UNC13C: variants seen among roughly 807,000 people sequenced by gnomAD.
UNC13C encodes the protein protein unc-13 homolog C.
Under a neutral mutation model 245.4 loss-of-function variants are expected in UNC13C, and 174 were observed. The ratio of observed to expected loss-of-function variants is 0.71; its 90% CI spans 0.63 to 0.80. The LOEUF is 0.80. UNC13C is among the 30% of genes least tolerant of loss of function. The pLI, the probability that UNC13C is intolerant of heterozygous loss-of-function variation, is 0.00. For missense variants in UNC13C, 2,829 were observed against 2,602.9 expected (o/e 1.09, Z -1.89); for synonymous variants, 992 against 895.1 (o/e 1.11, Z -1.93).
intron 2 of UNC13C, among the ~76,000 whole-genome samples, chr15:54,089,496 G>A (rs1899439212): frequency 6.6e-6 from 1 of 152,104 alleles, no homozygotes; most frequent in Non-Finnish European, 1.5e-5. Flanking sequence ...CAAGGTTAGA[G>A]GAGAAAACCT....
At chr15:54,448,077 A>T (rs2141002025) in intron 19 of UNC13C, among the ~76,000 whole-genome samples, 1 of 152,178 alleles carries the variant, frequency 6.6e-6, no homozygotes, top group African/African-American at 2.4e-5. Flanking sequence ...CATGTAGTTG[A>T]GCGGTTTTGA....
At chr15:54,293,078 A>C (rs920381315) in intron 10 of UNC13C, among the ~76,000 whole-genome samples, 2 of 151,784 alleles carry the variant, frequency 1.3e-5, no homozygotes, top group Non-Finnish European at 1.5e-5. Flanking sequence ...GAACCCTGAG[A>C]TAAAGCACCT....
At chr15:53,976,110 A>G (rs1471041805), upstream of UNC13C, among the ~76,000 whole-genome samples, 6 of 152,280 alleles carry the variant, frequency 3.9e-5, no homozygotes, top group East Asian at 1.9e-4. Flanking sequence ...AGGGATTTTG[A>G]TGTCCCTGCA....
chr15:54,267,245 C>T (rs77173907), intron 10 of UNC13C, among the ~76,000 whole-genome samples: 5,273 of 144,934 alleles, frequency 0.036, 387 homozygotes, highest in East Asian at 0.22. Context: ...ATGTTTATTC[C>T]GAATTAATTT....
the UNC13C span, among the ~76,000 whole-genome samples, chr15:53,888,884 G>C: frequency 1.3e-5 from 2 of 152,032 alleles, no homozygotes; most frequent in South Asian, 2.1e-4. Context: ...ATTTCTGAGG[G>C]CTCTGTTCTG....
the UNC13C span, among the ~76,000 whole-genome samples, chr15:53,888,803 G>C: frequency 6.6e-6 from 1 of 152,164 alleles, no homozygotes; most frequent in Non-Finnish European, 1.5e-5. Context: ...TTATTAGATA[G>C]GGTATCTTTT....
chr15:54,515,197 AT>A (rs1473903318), intron 24 of UNC13C, among the ~76,000 whole-genome samples: 3 of 152,194 alleles, frequency 2.0e-5, no homozygotes. Context: ...AGTTTTGGGA[AT>A]CACTATACTA....
intron 4 of UNC13C, among the ~76,000 whole-genome samples, chr15:54,201,925 A>G (rs1567092965): frequency 6.6e-6 from 1 of 152,010 alleles, no homozygotes; most frequent in East Asian, 1.9e-4. Context: ...CTAAAGACTC[A>G]TCCAAAAAGC....
In UNC13C at chr15:54,014,648, C is replaced by T. The variant is rs541524342; in HGVS notation, c.1745C>T (p.Ser582Leu). The stretch of plus-strand genomic sequence containing the variant: ...AATGGAAGCTCTCTCCTGTCATCTT[C>T]GGACCGGGAGCTATGGCAGAGGAAA... ...RTNGSSLLSS[S>L]DRELWQRKQE... The change falls in exon 2 of 33, where the codon TCG (serine) becomes TTG (leucine). Residue 582 changes from serine (S) to leucine (L), a missense_variant. Ser to Leu is a moderately radical substitution (Grantham distance 145). Transcript: ENST00000260323. 90 of 1,613,618 alleles carry T rather than the reference C, an allele frequency of 5.6e-5. 2 individuals are homozygous for T. The South Asian group carries it at 8.2e-4, about 15-fold the overall frequency.
chr15:54,431,485 A>G (rs764405818), intron 19 of UNC13C, among the ~76,000 whole-genome samples: 2 of 151,662 alleles, frequency 1.3e-5, no homozygotes, highest in African/African-American at 2.4e-5. Context: ...GTGTACAACT[A>G]TCTGGTTTTA....
chr15:54,356,025 T>C (rs974907239), intron 17 of UNC13C, among the ~76,000 whole-genome samples: 34 of 152,210 alleles, frequency 2.2e-4, no homozygotes, highest in Non-Finnish European at 5.9e-5. Context: ...TTTAACAATA[T>C]GTCTTTGAAA....
At chr15:54,059,754 G>A (rs1220917892) in intron 2 of UNC13C, among the ~76,000 whole-genome samples, 2 of 152,124 alleles carry the variant, frequency 1.3e-5, no homozygotes, top group Non-Finnish European at 2.9e-5. Context: ...GCATGGTACT[G>A]GTACCAAAAT....
At chr15:54,000,360 G>A (rs372897400) in intron 1 of UNC13C, among the ~76,000 whole-genome samples, 13 of 152,114 alleles carry the variant, frequency 8.5e-5, no homozygotes, top group African/African-American at 2.9e-4. Context: ...TCCCTCCATG[G>A]CTAAGCATTG....
chr15:53,947,050 C>T, the UNC13C span, among the ~76,000 whole-genome samples: 1 of 152,220 alleles, frequency 6.6e-6, no homozygotes, highest in Non-Finnish European at 1.5e-5. Flanking sequence ...ATGAAACTTT[C>T]AATTTTTTAT....
At chr15:54,175,678 A>G (rs1475295715) in intron 4 of UNC13C, among the ~76,000 whole-genome samples, 1 of 151,832 alleles carries the variant, frequency 6.6e-6, no homozygotes, top group Non-Finnish European at 1.5e-5. Context: ...ACGCCCAGCT[A>G]ATTTTTGTAT....
the UNC13C span, among the ~76,000 whole-genome samples, chr15:53,901,214 ATTTCTTT>A: frequency 7.7e-6 from 1 of 129,528 alleles, no homozygotes; most frequent in Admixed American, 9.5e-5. Flanking sequence ...GTCTTCATAG[ATTTCTTT>A]TTTTTTTTTT....
At chr15:54,001,460 C>T (rs983482542) in intron 1 of UNC13C, among the ~76,000 whole-genome samples, 1 of 152,120 alleles carries the variant, frequency 6.6e-6, no homozygotes, top group South Asian at 2.1e-4. Context: ...ATTTACTATA[C>T]CTTAAAAAAT....
At chr15:54,611,309 C>G (rs750778595) in intron 30 of UNC13C, among the ~76,000 whole-genome samples, 3 of 152,074 alleles carry the variant, frequency 2.0e-5, no homozygotes, top group Non-Finnish European at 4.4e-5. Context: ...CTCAAATCAG[C>G]AAGAGCCCTT....
intron 4 of UNC13C, among the ~76,000 whole-genome samples, chr15:54,174,369 G>T (rs780365497): frequency 4.6e-5 from 7 of 152,256 alleles, no homozygotes; most frequent in East Asian, 1.9e-4. Flanking sequence ...TTTTCTTCCA[G>T]TAGTGAGCTG....
Sources: allele counts gnomAD v4.1 joint callset (sites outside exome capture counted in the v4.1 genomes callset), GRCh38; gene constraint gnomAD v4.1.1; transcripts MANE v1.5; gene names NCBI Gene and HGNC (gene_info 2026-07-23, HGNC 2026-07-21).